TENM2: variants seen among roughly 807,000 people sequenced by gnomAD.
TENM2 encodes teneurin-2.
TENM2 carries 52 observed loss-of-function variants against 245.2 expected under a neutral mutation model. That is an observed-to-expected ratio of 0.21 (90% confidence interval 0.17 to 0.27). The LOEUF (loss-of-function observed/expected upper bound fraction) is 0.27, where lower values mean the gene tolerates loss of function less well. Among genes scored for constraint, TENM2 ranks in the 10% least tolerant of loss-of-function variants. TENM2 has a pLI of 1.00. For synonymous variants in TENM2, 1,363 were observed against 1,438.9 expected (o/e 0.95, Z 1.19); for missense variants, 3,046 against 3,666.8 (o/e 0.83, Z 4.37).
At chr5:168,241,367 T>C (rs62385560) in intron 25 of TENM2, among the ~76,000 whole-genome samples, 9,763 of 151,866 alleles carry the variant, frequency 0.064, 394 homozygotes, top group South Asian at 0.15. Flanking sequence ...ACAATTCTCC[T>C]GCTCAGCCTT....
chr5:167,313,838 T>C (rs1365272157), intron 1 of TENM2, among the ~76,000 whole-genome samples: 1 of 152,202 alleles, frequency 6.6e-6, no homozygotes, highest in Non-Finnish European at 1.5e-5. Flanking sequence ...AAGAAAATTC[T>C]GGTGAGAGAA....
At chr5:167,170,151 G>A in the TENM2 span, among the ~76,000 whole-genome samples, 2 of 152,226 alleles carry the variant, frequency 1.3e-5, no homozygotes, top group Non-Finnish European at 2.9e-5. Flanking sequence ...AGCCTATGCT[G>A]TTTTCAAGAA....
intron 4 of TENM2, among the ~76,000 whole-genome samples, chr5:167,971,734 A>C (rs1440396953): frequency 6.6e-6 from 1 of 151,992 alleles, no homozygotes; most frequent in Admixed American, 6.5e-5. Flanking sequence ...AACAAAACAA[A>C]ACAAAAACAA....
chr5:167,000,391 G>A, the TENM2 span, among the ~76,000 whole-genome samples: 4 of 152,294 alleles, frequency 2.6e-5, no homozygotes, highest in African/African-American at 4.8e-5. Flanking sequence ...GAAGGTTTAT[G>A]TTATGAATCT....
chr5:167,074,776 G>A, the TENM2 span, among the ~76,000 whole-genome samples: 2 of 152,072 alleles, frequency 1.3e-5, no homozygotes, highest in Admixed American at 1.3e-4. Flanking sequence ...GGTGGTAGCG[G>A]TTCTGTTAGG....
chr5:167,176,182 T>G, the TENM2 span, among the ~76,000 whole-genome samples: 1 of 152,234 alleles, frequency 6.6e-6, no homozygotes, highest in East Asian at 1.9e-4. Flanking sequence ...GCTGATCTTC[T>G]AGAATATTCT....
chr5:167,432,045 C>G (rs1582029468), intron 2 of TENM2, among the ~76,000 whole-genome samples: 3 of 144,382 alleles, frequency 2.1e-5, no homozygotes, highest in Middle Eastern at 3.9e-3. Flanking sequence ...AAATAATGGT[C>G]AAGATAAGAG....
At chr5:167,688,129 A>G (rs1336016573) in intron 2 of TENM2, among the ~76,000 whole-genome samples, 2 of 152,182 alleles carry the variant, frequency 1.3e-5, no homozygotes, top group Non-Finnish European at 2.9e-5. Flanking sequence ...AACGTTATAA[A>G]GGTAGTCAGA....
At chr5:167,533,262 C>T (rs1771632858) in intron 2 of TENM2, among the ~76,000 whole-genome samples, 1 of 151,996 alleles carries the variant, frequency 6.6e-6, no homozygotes, top group African/African-American at 2.4e-5. Flanking sequence ...AATGGATAAC[C>T]CGAAAAACAA....
the TENM2 span, among the ~76,000 whole-genome samples, chr5:167,195,662 T>C: frequency 3.9e-5 from 6 of 152,010 alleles, no homozygotes; most frequent in Admixed American, 3.9e-4. Flanking sequence ...AGATCTATTA[T>C]TTATAAATAA....
intron 2 of TENM2, among the ~76,000 whole-genome samples, chr5:167,575,221 A>G (rs1475640052): frequency 2.6e-5 from 4 of 152,114 alleles, no homozygotes; most frequent in Admixed American, 1.3e-4. Flanking sequence ...AAAAGATAGC[A>G]TAGAATGTTT....
chr5:167,351,857 A>C (rs1027666552), intron 1 of TENM2, among the ~76,000 whole-genome samples: 28 of 151,284 alleles, frequency 1.9e-4, no homozygotes, highest in East Asian at 5.8e-4. Flanking sequence ...AAAAAACAAA[A>C]AAAAAAATAA....
intron 7 of TENM2, among the ~76,000 whole-genome samples, chr5:168,078,973 A>G (rs1382794195): frequency 1.3e-5 from 2 of 152,168 alleles, no homozygotes; most frequent in Non-Finnish European, 2.9e-5. Context: ...GAGGAAAGTC[A>G]TTGGTAGCTT....
At chr5:167,286,063 T>G (rs1325065107) in intron 1 of TENM2, among the ~76,000 whole-genome samples, 1 of 152,206 alleles carries the variant, frequency 6.6e-6, no homozygotes, top group African/African-American at 2.4e-5. Context: ...TGTGCATGTG[T>G]GTATATATGT....
chr5:167,079,258 C>T, the TENM2 span, among the ~76,000 whole-genome samples: 2 of 140,726 alleles, frequency 1.4e-5, no homozygotes. Context: ...TATATACATC[C>T]ATATATATAT....
the TENM2 span, among the ~76,000 whole-genome samples, chr5:167,016,331 T>C: frequency 3.3e-5 from 5 of 151,402 alleles, no homozygotes; most frequent in Admixed American, 6.6e-5. Flanking sequence ...TACTGTCCTT[T>C]CCTGAAAAAT....
chr5:167,944,906 A>G (rs1410712043), intron 3 of TENM2, among the ~76,000 whole-genome samples: 1 of 152,174 alleles, frequency 6.6e-6, no homozygotes, highest in Non-Finnish European at 1.5e-5. Flanking sequence ...CAACCAAAAA[A>G]CAAACAAAGA....
At chr5:168,016,403 G>A (rs1785659364) in intron 5 of TENM2, among the ~76,000 whole-genome samples, 3 of 152,218 alleles carry the variant, frequency 2.0e-5, no homozygotes, top group African/African-American at 7.2e-5. Flanking sequence ...GAAAGCAGCA[G>A]CTTCATAGTG....
In TENM2 at chr5:167,662,075, G is replaced by A. The variant is rs921446014; in HGVS notation, c.503-213911G>A. Among the ~76,000 whole-genome samples, 7 of 152,320 alleles carry A rather than the reference G, an allele frequency of 4.6e-5. No individual in the cohort carries two copies. The East Asian group carries it at 1.3e-3, about 29-fold the overall frequency. ...AGACTGATGATAAAGGATATAGAGTGGGGTGGGGTGGTTTTCCGCAAAGGA... is the reference window on the plus strand; with the variant it reads ...AGACTGATGATAAAGGATATAGAGTAGGGTGGGGTGGTTTTCCGCAAAGGA... On this transcript the variant is annotated intron_variant, in intron 2 of 28. Transcript: ENST00000518659.
Sources: allele counts gnomAD v4.1 joint callset (sites outside exome capture counted in the v4.1 genomes callset), GRCh38; gene constraint gnomAD v4.1.1; transcripts MANE v1.5; gene names NCBI Gene and HGNC (gene_info 2026-07-23, HGNC 2026-07-21).